Variants in POFUT1 observed in about 807,000 individuals in gnomAD.
POFUT1 encodes GDP-fucose protein O-fucosyltransferase 1.
POFUT1 carries 16 observed loss-of-function variants against 42.4 expected under a neutral mutation model. That is an observed-to-expected ratio of 0.38 (90% CI 0.26 to 0.57). POFUT1 has a LOEUF of 0.57. Among genes scored for constraint, POFUT1 ranks in the 20% least tolerant of loss-of-function variants. The pLI, the probability that POFUT1 is intolerant of heterozygous loss-of-function variation, is 0.71. For synonymous variants in POFUT1, 206 were observed against 205.4 expected (o/e 1.00, Z -0.03); for missense variants, 470 against 504.6 (o/e 0.93, Z 0.66).
At chr20:32,220,297 T>C (rs1353173055) in intron 4 of POFUT1, among the ~76,000 whole-genome samples, 1 of 152,236 alleles carries the variant, frequency 6.6e-6, no homozygotes, top group Non-Finnish European at 1.5e-5. Flanking sequence ...GCTCAAGTTA[T>C]CCTTTTTTGG....
At position 32,207,911 on chromosome 20, in the gene POFUT1, C is replaced by T. The variant is rs755008610; in HGVS notation, c.-31C>T. 275 of 1,562,634 alleles carry T rather than the reference C, an allele frequency of 1.8e-4. No individual in the cohort carries two copies. The highest frequency in any genetic ancestry group is 2.3e-4 in the Admixed American group (13 of 56,034). On this transcript the variant is annotated 5_prime_UTR_variant, in exon 1 of 7. Transcript: ENST00000375749. ...GTCCCTCCTTCCCTCCCCGACTGTG[C>T]GCCGCGGCTGGCTCGGGTTCCCGGG...
chr20:32,221,419 A>G lies in POFUT1; in HGVS notation c.542+4698A>G, dbSNP rs574854141. Among the ~76,000 whole-genome samples the G allele has an allele frequency of 2.0e-4, 31 of 152,222 alleles. No homozygotes were observed. The South Asian group carries it at 4.4e-3, about 21-fold the overall frequency. On this transcript the variant is annotated intron_variant, in intron 4 of 6. Transcript: ENST00000375749. ...TTTTGAAACTATCTTCAGAGTTTTC[A>G]AGAAGTGCTTGTCAGGCATAGTGGC... is the stretch of plus-strand genomic sequence containing the variant.
chr20:32,211,849 C>T (rs752223150), intron 2 of POFUT1, among the ~76,000 whole-genome samples: 9 of 152,222 alleles, frequency 5.9e-5, no homozygotes, highest in Admixed American at 1.3e-4. Context: ...CTGAACTTCC[C>T]TGTTCCAAGA....
chr20:32,234,054 C>A (rs996760455), intron 6 of POFUT1, among the ~76,000 whole-genome samples: 1 of 152,172 alleles, frequency 6.6e-6, no homozygotes, highest in Admixed American at 6.5e-5. Flanking sequence ...TGTGGTGGTG[C>A]ACACTTGTAG....
intron 1 of POFUT1, among the ~76,000 whole-genome samples, chr20:32,208,701 C>T (rs1221906518): frequency 6.7e-6 from 1 of 149,436 alleles, no homozygotes; most frequent in Non-Finnish European, 1.5e-5. Context: ...GCTTGTAGTC[C>T]CTTGGGAGTT....
Position 32,228,344 on chromosome 20 carries a change from A to G in POFUT1, c.624A>G (p.Leu208=). 6.2e-7 allele frequency: 1 copy of G among 1,614,076 alleles called. No individual in the cohort carries two copies. Among genetic ancestry groups the G allele is most frequent in the South Asian group, 1.1e-5 (1 of 91,064 alleles). Residue 208 remains leucine, a synonymous_variant, in exon 5 of 7, where the codon CTA becomes CTG. Transcript: ENST00000375749. The part of the protein sequence containing the change: ...QFPVLEEHRP[L]QKYMVWSDEM... ...CCGTCCTAGAGGAACACAGGCCACT[A>G]CAGAAGTACATGGTATGGTCAGACG...
rs754511046 is a variant in POFUT1, at chr20:32,234,485, A to G, written c.991A>G (p.Ser331Gly). ...QLFKGKVKVV[S>G]LKPEVAQVDL... ...CTTCTTCCTGCAGGTGAAGGTGGTGAGCCTGAAGCCTGAGGTGGCCCAGGT... is the reference window on the plus strand; with the variant it reads ...CTTCTTCCTGCAGGTGAAGGTGGTGGGCCTGAAGCCTGAGGTGGCCCAGGT... The change falls in exon 7 of 7, where the codon AGC becomes GGC. Residue 331 changes from serine to glycine, a missense_variant. Ser to Gly is a moderately conservative substitution (Grantham distance 56). Coordinates refer to ENST00000375749, the MANE Select transcript of POFUT1 (RefSeq NM_015352.2). 1.9e-6 allele frequency: 3 copies of G among 1,606,278 alleles called. No homozygotes were observed. The South Asian group carries it at 3.3e-5, about 18-fold the overall frequency.
chr20:32,227,590 T>A (rs1446079451), intron 4 of POFUT1, among the ~76,000 whole-genome samples: 1 of 152,172 alleles, frequency 6.6e-6, no homozygotes, highest in Non-Finnish European at 1.5e-5. Flanking sequence ...GACACTATTC[T>A]GCGCATACTG....
At chr20:32,209,481 T>C (rs1170716803) in intron 1 of POFUT1, among the ~76,000 whole-genome samples, 1 of 152,230 alleles carries the variant, frequency 6.6e-6, no homozygotes, top group East Asian at 1.9e-4. Flanking sequence ...GTCTGGCACA[T>C]TGTGGCCTCT....
At chr20:32,234,408 G>C in intron 6 of POFUT1, 65 bp from the exon 7 acceptor site, 1 of 1,391,772 alleles carries the variant, frequency 7.2e-7, no homozygotes, top group Non-Finnish European at 9.9e-7. Flanking sequence ...TAAGGTTGGG[G>C]GTGTGGATGG....
At chr20:32,227,929 C>G (rs1337956553) in intron 4 of POFUT1, among the ~76,000 whole-genome samples, 3 of 152,308 alleles carry the variant, frequency 2.0e-5, no homozygotes, top group East Asian at 3.9e-4. Context: ...CCAGACACCC[C>G]ACCCTGGAAT....
chr20:32,217,714 G>A (rs1344090022), intron 4 of POFUT1: 3 of 985,458 alleles, frequency 3.0e-6, no homozygotes, highest in Non-Finnish European at 3.6e-6. Flanking sequence ...CAGCCAGCCA[G>A]TGTTGGCTGT....
chr20:32,226,837 T>G (rs6058565), intron 4 of POFUT1, among the ~76,000 whole-genome samples: 1 of 152,234 alleles, frequency 6.6e-6, no homozygotes, highest in African/African-American at 2.4e-5. Context: ...TTTGTTTAAC[T>G]GTTTACTTGT....
Position 32,216,648 on chromosome 20 carries a change from G to A in POFUT1, c.469G>A (p.Val157Met). ...TGGCCCATTCTGGGATCAGTTTCAT[G>A]TGAGTTTCAACAAGTCGGAGCTTTT... is the stretch of plus-strand genomic sequence containing the variant. ...PFGPFWDQFH[V>M]SFNKSELFTG... Residue 157 changes from valine to methionine, a missense_variant, in exon 4 of 7, where the codon GTG becomes ATG. By Grantham distance (21) the Val-to-Met change is conservative. Transcript: ENST00000375749. The A allele has an allele frequency of 6.2e-7, 1 of 1,613,922 alleles. No homozygotes were observed. The highest frequency in any genetic ancestry group is 1.1e-5 in the South Asian group (1 of 91,078).
chr20:32,232,158 TCTC>T (rs1330588329), intron 6 of POFUT1, among the ~76,000 whole-genome samples: 2 of 152,024 alleles, frequency 1.3e-5, no homozygotes, highest in South Asian at 2.1e-4. Context: ...CACATTCTAA[TCTC>T]CTCCCCACCT....
At chr20:32,211,562 G>A (rs1169525331) in intron 2 of POFUT1, among the ~76,000 whole-genome samples, 2 of 152,102 alleles carry the variant, frequency 1.3e-5, no homozygotes, top group East Asian at 3.9e-4. Context: ...AAGCCACTGC[G>A]CCTGGCCTCG....
intron 4 of POFUT1, among the ~76,000 whole-genome samples, chr20:32,220,834 G>A (rs1407163831): frequency 1.3e-5 from 2 of 152,018 alleles, no homozygotes; most frequent in Non-Finnish European, 2.9e-5. Flanking sequence ...GCCAAGCTGG[G>A]GCCACCAAGA....
intron 6 of POFUT1, chr20:32,231,270 G>T: frequency 1.7e-6 from 1 of 576,314 alleles, no homozygotes; most frequent in African/African-American, 1.9e-5. Context: ...TGGAGCTCAC[G>T]TATCCCTGCT....
Position 32,234,632 on chromosome 20 carries a change from A to AG in POFUT1, c.1140dup (p.Pro381AlafsTer3), listed in dbSNP as rs771931704. 4 of 1,612,506 alleles carry AG rather than the reference A, an allele frequency of 2.5e-6. No homozygotes were observed. The Admixed American group carries it at 6.7e-5, about 27-fold the overall frequency. On this transcript the variant is annotated frameshift_variant, in exon 7 of 7. Coordinates refer to ENST00000375749, the MANE Select transcript of POFUT1 (RefSeq NM_015352.2). LOFTEE classifies it high-confidence loss of function. ...GCCGTCTTCTTTCTTCGGCATGGACAGGCCCCCTAAGCTGCGGGACGAGTT... is the reference window on the plus strand; with the variant it reads ...GCCGTCTTCTTTCTTCGGCATGGACAGGGCCCCCTAAGCTGCGGGACGAGTT...
Sources: gnomAD v4.1 joint callset for allele counts (sites outside exome capture counted in the v4.1 genomes callset) on GRCh38, gnomAD v4.1.1 for gene constraint, MANE v1.5 for transcripts, NCBI Gene and HGNC (gene_info 2026-07-23, HGNC 2026-07-21) for gene names.